Variants in CCDC85C observed in about 807,000 individuals in gnomAD.
CCDC85C encodes the protein coiled-coil domain-containing protein 85C.
Under a neutral mutation model 38.3 loss-of-function variants are expected in CCDC85C, and 18 were observed. That is an observed-to-expected ratio of 0.47 (90% confidence interval 0.33 to 0.70). The LOEUF (loss-of-function observed/expected upper bound fraction) is 0.70. Among genes scored for constraint, CCDC85C ranks in the 30% least tolerant of loss-of-function variants. The probability of loss-of-function intolerance (pLI) is 0.03; values close to 1 mark genes in which losing one functional copy is unlikely to be tolerated. For synonymous variants in CCDC85C, 264 were observed against 293.8 expected (o/e 0.90, Z 1.04); for missense variants, 566 against 621.2 (o/e 0.91, Z 0.94).
At chr14:99,573,015 G>A (rs4905859) in intron 1 of CCDC85C, 268,108 of 356,212 alleles carry the variant, frequency 0.75, 101,726 homozygotes, top group Admixed American at 0.85. Flanking sequence ...CGCAGGAGAC[G>A]CCACACATAA....
chr14:99,524,235 C>A (rs1158511175), intron 2 of CCDC85C, among the ~76,000 whole-genome samples: 1 of 152,142 alleles, frequency 6.6e-6, no homozygotes, highest in African/African-American at 2.4e-5. Context: ...CACAGTCTGA[C>A]TACTGGGCCA....
intron 1 of CCDC85C, among the ~76,000 whole-genome samples, chr14:99,598,127 G>A (rs989615198): frequency 1.2e-4 from 18 of 152,266 alleles, no homozygotes; most frequent in African/African-American, 4.3e-4. Context: ...TGGGGCCTTC[G>A]CACATCAGGG....
chr14:99,594,030 G>T (rs2055117360), intron 1 of CCDC85C, among the ~76,000 whole-genome samples: 1 of 139,940 alleles, frequency 7.1e-6, no homozygotes, highest in African/African-American at 2.6e-5. Flanking sequence ...GGGGGTGGGG[G>T]CGGGGGGCGG....
chr14:99,567,635 A>G (rs8017750), intron 1 of CCDC85C, among the ~76,000 whole-genome samples: 87,857 of 151,868 alleles, frequency 0.58, 26,051 homozygotes, highest in African/African-American at 0.72. Context: ...GACCAGCCTG[A>G]CCAACATGGT....
Position 99,604,073 on chromosome 14 carries a change from G to C in CCDC85C, c.-114C>G. On this transcript the variant is annotated 5_prime_UTR_variant, in exon 1 of 6. Transcript: ENST00000380243. ...GCGGGGGGCGGCCGGGGGCGCGTGC[G>C]GCCCGCCCCGCGCCGCCTGGCGCGT... The C allele has an allele frequency of 8.3e-6, 8 of 962,244 alleles. No homozygotes were observed. Among genetic ancestry groups the C allele is most frequent in the Non-Finnish European group, 9.8e-6 (8 of 812,648 alleles). The allele number at this position is 962,244 out of a possible 1,614,324, so 59.6% of individuals were successfully genotyped here.
chr14:99,519,499 G>A (rs906667199), intron 3 of CCDC85C, among the ~76,000 whole-genome samples: 5 of 152,078 alleles, frequency 3.3e-5, no homozygotes, highest in Non-Finnish European at 5.9e-5. Context: ...CAATGGGGCT[G>A]GGCGCCAAAC....
chr14:99,541,386 G>C (rs536466315), intron 1 of CCDC85C, among the ~76,000 whole-genome samples: 1 of 152,364 alleles, frequency 6.6e-6, no homozygotes, highest in South Asian at 2.1e-4. Flanking sequence ...CACGCTCCTT[G>C]CATCTGACTC....
Position 99,510,042 on chromosome 14 carries a change from G to T in CCDC85C, c.*5204C>A, listed in dbSNP as rs1460205694. 5 of 1,031,676 alleles carry T rather than the reference G, an allele frequency of 4.8e-6. No individual in the cohort carries two copies. Among genetic ancestry groups the T allele is most frequent in the Non-Finnish European group, 6.9e-6 (5 of 724,692 alleles). 63.9% of individuals were successfully genotyped at this position (1,031,676 alleles called of 1,614,324 possible). ...TGGGCCCATGCGTTGGGCCACAGAG[G>T]AGGCGGGCAGCTGCTCCCTGCTCCT... On this transcript the variant is annotated 3_prime_UTR_variant, in exon 6 of 6. Transcript: ENST00000380243.
rs8004421 is a variant in CCDC85C at position 99,569,188 on chromosome 14, G to A, written c.794-33100C>T. 0.38 allele frequency among the ~76,000 whole-genome samples: 57,301 copies of A among 152,048 alleles called. 11,301 individuals are homozygous for A. Among genetic ancestry groups the A allele is most frequent in the East Asian group, 0.54 (2,792 of 5,172 alleles). On this transcript the variant is annotated intron_variant, in intron 1 of 5. Coordinates refer to ENST00000380243, the MANE Select transcript of CCDC85C (RefSeq NM_001144995.2). This position sits in a 1 kb window ranked among gnomAD's most constrained non-coding sequence, Gnocchi z 4.3. ...CAAAGAATAAAGCAGTAAGGCCCAC[G>A]TCGACCCATCTTCGTGAAGGAAGAC...
Position 99,501,254 on chromosome 14 carries a change from A to G in CCDC85C, c.*13992T>C, listed in dbSNP as rs1860628755. Reference sequence around the variant, plus strand: ...CCCACGCAAAAGCTCTTTGCTGTGTATTTGAGTGGTGCTGAACACGTGGTA... The same window carrying G: ...CCCACGCAAAAGCTCTTTGCTGTGTGTTTGAGTGGTGCTGAACACGTGGTA... On this transcript the variant is annotated 3_prime_UTR_variant, in exon 6 of 6. Coordinates refer to ENST00000380243, the MANE Select transcript of CCDC85C (RefSeq NM_001144995.2). 2 of 767,866 alleles carry G rather than the reference A, an allele frequency of 2.6e-6. No individual in the cohort carries two copies. Among genetic ancestry groups the G allele is most frequent in the African/African-American group, 3.4e-5 (2 of 58,608 alleles). 47.6% of individuals were successfully genotyped at this position (767,866 alleles called of 1,614,324 possible).
At chr14:99,595,284 C>G (rs1246057965) in intron 1 of CCDC85C, among the ~76,000 whole-genome samples, 1 of 152,184 alleles carries the variant, frequency 6.6e-6, no homozygotes, top group Non-Finnish European at 1.5e-5. Flanking sequence ...TGAGATGAGT[C>G]TTGCTCTGTG....
chr14:99,590,240 C>T (rs1475455754), intron 1 of CCDC85C, among the ~76,000 whole-genome samples: 1 of 152,136 alleles, frequency 6.6e-6, no homozygotes, highest in African/African-American at 2.4e-5. Context: ...TTGGGGACTA[C>T]CCTCCAGGGT....
intron 1 of CCDC85C, among the ~76,000 whole-genome samples, chr14:99,602,236 G>C (rs900098054): frequency 6.6e-6 from 1 of 152,212 alleles, no homozygotes; most frequent in Admixed American, 6.5e-5. Context: ...TGAGCAGGGG[G>C]CTGGGAGAGG....
chr14:99,562,530 C>G (rs1898137045), intron 1 of CCDC85C, among the ~76,000 whole-genome samples: 2 of 152,228 alleles, frequency 1.3e-5, no homozygotes, highest in Non-Finnish European at 2.9e-5. Context: ...CACATAGGGC[C>G]AGAGCTCGGG....
At chr14:99,598,954 G>A (rs1342330209) in intron 1 of CCDC85C, among the ~76,000 whole-genome samples, 1 of 152,140 alleles carries the variant, frequency 6.6e-6, no homozygotes, top group South Asian at 2.1e-4. Context: ...CCTTTCTGAG[G>A]CCCAGCATCC....
At position 99,503,235 on chromosome 14, in the gene CCDC85C, G is replaced by T; in HGVS notation, c.*12011C>A. On this transcript the variant is annotated 3_prime_UTR_variant, in exon 6 of 6. Coordinates refer to ENST00000380243, the MANE Select transcript of CCDC85C (RefSeq NM_001144995.2). Reference sequence around the variant, plus strand: ...TGCTGCCTGTTTCATCCCTGCCAGGGTTCTGAAGCCTGTCGGTGTCGTTGC... The same window carrying T: ...TGCTGCCTGTTTCATCCCTGCCAGGTTTCTGAAGCCTGTCGGTGTCGTTGC... 3.0e-6 allele frequency: 2 copies of T among 660,846 alleles called. No individual in the cohort carries two copies. The highest frequency in any genetic ancestry group is 2.7e-6 in the Non-Finnish European group (1 of 366,038). 40.9% of individuals were successfully genotyped at this position (660,846 alleles called of 1,614,324 possible).
rs1004673557 is a variant in CCDC85C, at chr14:99,533,438, G to A, written c.867+2577C>T. ...GGTGAGAAAGCAAATTTCTGCTAAA[G>A]AAACAAAATACTTTGAACCCTTTCT... On this transcript the variant is annotated intron_variant, in intron 2 of 5. Coordinates refer to ENST00000380243, the MANE Select transcript of CCDC85C (RefSeq NM_001144995.2). This position sits in a 1 kb window ranked among gnomAD's most constrained non-coding sequence, Gnocchi z 4.2. 6.6e-6 allele frequency among the ~76,000 whole-genome samples: 1 copy of A among 152,252 alleles called. No homozygotes were observed. The highest frequency in any genetic ancestry group is 1.5e-5 in the Non-Finnish European group (1 of 68,034).
At chr14:99,538,362 T>C (rs527626381) in intron 1 of CCDC85C, among the ~76,000 whole-genome samples, 1 of 152,286 alleles carries the variant, frequency 6.6e-6, no homozygotes, top group South Asian at 2.1e-4. Flanking sequence ...GAAGACGCCA[T>C]TCCCAGTCAC....
intron 5 of CCDC85C, among the ~76,000 whole-genome samples, chr14:99,515,986 G>A (rs2139895423): frequency 6.6e-6 from 1 of 152,228 alleles, no homozygotes; most frequent in South Asian, 2.1e-4. Context: ...GGGGCCCTCT[G>A]GGAAGGGCAG....
Sources: gnomAD v4.1 joint callset for allele counts (sites outside exome capture counted in the v4.1 genomes callset) on GRCh38, gnomAD v4.1.1 for gene constraint, Gnocchi (gnomAD v3.1) non-coding constraint, MANE v1.5 for transcripts, NCBI Gene and HGNC (gene_info 2026-07-23, HGNC 2026-07-21) for gene names.